Variants in NFIX observed in about 807,000 individuals in gnomAD.
NFIX encodes nuclear factor 1 X-type.
Under a neutral mutation model 53.3 loss-of-function variants are expected in NFIX, and 2 were observed. That is an observed-to-expected ratio of 0.04 (90% confidence interval 0.02 to 0.12). The LOEUF is 0.12. Ranked by LOEUF, NFIX falls within the 10% of genes least tolerant of loss-of-function variation. NFIX has a pLI of 1.00. For missense variants in NFIX, 310 were observed against 674.5 expected (o/e 0.46, Z 5.99); for synonymous variants, 244 against 289.0 (o/e 0.84, Z 1.58).
intron 2 of NFIX, among the ~76,000 whole-genome samples, chr19:13,056,394 T>C (rs917840200): frequency 1.3e-4 from 20 of 152,170 alleles, no homozygotes; most frequent in African/African-American, 3.9e-4. Flanking sequence ...GCTGCACTTA[T>C]GAGGTGCTCA....
At chr19:13,077,975 C>G (rs1481347671) in intron 6 of NFIX, among the ~76,000 whole-genome samples, 2 of 152,218 alleles carry the variant, frequency 1.3e-5, no homozygotes, top group African/African-American at 2.4e-5. Context: ...GGTCCCCTGG[C>G]TGGGGGAGTC....
At chr19:12,999,079 C>T (rs2011577179) in intron 1 of NFIX, among the ~76,000 whole-genome samples, 1 of 152,106 alleles carries the variant, frequency 6.6e-6, no homozygotes, top group African/African-American at 2.4e-5. Context: ...CACATGGACC[C>T]AAGGACGGAC....
chr19:13,061,639 C>T (rs117295219), intron 2 of NFIX, among the ~76,000 whole-genome samples: 4,300 of 152,322 alleles, frequency 0.028, 72 homozygotes, highest in Middle Eastern at 0.082. Context: ...GCTCGGCAGC[C>T]TGGGGAAAAC....
chr19:13,024,478 G>C (rs1262711306), intron 1 of NFIX: 1 of 1,477,326 alleles, frequency 6.8e-7, no homozygotes, highest in East Asian at 2.5e-5. Flanking sequence ...CTTGCTCGTG[G>C]ATGTCATTTT....
rs1162266997 is a variant in NFIX, at chr19:13,066,542, C to G, written c.560-6505C>G. ...GCAGAAGCCCCTTTGGATCTGTGAG[C>G]AGGGAGGGAATGAGGAAAGGGGAGA... is the stretch of plus-strand genomic sequence containing the variant. On this transcript the variant is annotated intron_variant, in intron 2 of 10. Coordinates refer to ENST00000592199, the MANE Select transcript of NFIX (RefSeq NM_001365902.3). The surrounding 1 kb of genome is among the most constrained non-coding windows in gnomAD (Gnocchi z 4.2). Among the ~76,000 whole-genome samples the G allele has an allele frequency of 6.6e-6, 1 of 152,130 alleles. No homozygotes were observed. The highest frequency in any genetic ancestry group is 1.9e-4 in the East Asian group (1 of 5,198).
At chr19:13,039,228 C>CCCCACACA (rs796212249) in intron 2 of NFIX, among the ~76,000 whole-genome samples, 7 of 144,524 alleles carry the variant, frequency 4.8e-5, no homozygotes, top group Non-Finnish European at 8.9e-5. Context: ...ACACCCCCCC[C>CCCCACACA]CACACACACA....
chr19:13,003,644 A>AT lies in NFIX; in HGVS notation c.27+7792dup, dbSNP rs145552082. Reference sequence around the variant, plus strand: ...CACCCATTGGGAAATGTCTGGAAACATTTTTTTTTTTTAGAGACAGACTGT... The same window carrying AT: ...CACCCATTGGGAAATGTCTGGAAACATTTTTTTTTTTTTAGAGACAGACTGT... On this transcript the variant is annotated intron_variant, in intron 1 of 10. Transcript: ENST00000592199. Among the ~76,000 whole-genome samples the AT allele has an allele frequency of 6.4e-4, 94 of 146,664 alleles. No homozygotes were observed. The East Asian group carries it at 7.5e-3, about 12-fold the overall frequency.
intron 1 of NFIX, among the ~76,000 whole-genome samples, chr19:13,003,143 C>A (rs1441543735): frequency 2.0e-5 from 3 of 152,004 alleles, no homozygotes; most frequent in East Asian, 3.9e-4. Context: ...CAAAGTCACA[C>A]ACTCTCACTG....
At position 13,006,141 on chromosome 19, in the gene NFIX, C is replaced by T. The variant is rs1254890431; in HGVS notation, c.27+10277C>T. ...AGGGAGTGTCCAGTCCTTGAGATGG[C>T]GCTAGGTGCTGTGGGAAGAACAGAG... On this transcript the variant is annotated intron_variant, in intron 1 of 10. Coordinates refer to ENST00000592199, the MANE Select transcript of NFIX (RefSeq NM_001365902.3). This position sits in a 1 kb window ranked among gnomAD's most constrained non-coding sequence, Gnocchi z 5.6. Among the ~76,000 whole-genome samples the T allele has an allele frequency of 1.3e-5, 2 of 152,184 alleles. No individual in the cohort carries two copies. The highest frequency in any genetic ancestry group is 2.9e-5 in the Non-Finnish European group (2 of 68,034).
chr19:13,075,451 C>T (rs1158668066), intron 5 of NFIX, 84 bp from the exon 6 acceptor site: 2 of 1,494,606 alleles, frequency 1.3e-6, no homozygotes, highest in African/African-American at 1.4e-5. Flanking sequence ...GCCATCTATG[C>T]ACAGTTCTTT....
At position 13,016,129 on chromosome 19, in the gene NFIX, C is replaced by A. The variant is rs140088969; in HGVS notation, c.28-8892C>A. 6.5e-3 allele frequency among the ~76,000 whole-genome samples: 988 copies of A among 152,166 alleles called. 8 individuals are homozygous for A. The highest frequency in any genetic ancestry group is 0.022 in the African/African-American group (930 of 41,466). On this transcript the variant is annotated intron_variant, in intron 1 of 10. Transcript: ENST00000592199. ...ACTTACAGTGTGTGCACTTTTTATA[C>A]CTGCCTTGCTTCAGTTAAAAAGTTT...
rs546650128 is a variant in NFIX at position 13,040,293 on chromosome 19, A to G, written c.559+14741A>G. Among the ~76,000 whole-genome samples the G allele has an allele frequency of 1.3e-5, 2 of 151,982 alleles. No homozygotes were observed. Among genetic ancestry groups the G allele is most frequent in the South Asian group, 4.2e-4 (2 of 4,814 alleles). On this transcript the variant is annotated intron_variant, in intron 2 of 10. Transcript: ENST00000592199. The surrounding 1 kb of genome is among the most constrained non-coding windows in gnomAD (Gnocchi z 4.2). ...CTTGGTCTCCTTGGCTGTCCCTGCTAAATAGTCATCTTTGGGGACATCCTC... is the reference window on the plus strand; with the variant it reads ...CTTGGTCTCCTTGGCTGTCCCTGCTGAATAGTCATCTTTGGGGACATCCTC...
In NFIX at chr19:13,057,527, G is replaced by T. The variant is rs143851771; in HGVS notation, c.560-15520G>T. 7.7e-3 allele frequency among the ~76,000 whole-genome samples: 1,170 copies of T among 152,194 alleles called. 14 individuals carry two copies. Among genetic ancestry groups the T allele is most frequent in the African/African-American group, 0.027 (1,136 of 41,528 alleles). ...CTCCTGATGCCACACCCCCAGCCTC[G>T]GCTCCCCAGGGCCCCGGGCCCTCCC... On this transcript the variant is annotated intron_variant, in intron 2 of 10. Coordinates refer to ENST00000592199, the MANE Select transcript of NFIX (RefSeq NM_001365902.3).
intron 1 of NFIX, chr19:13,024,646 T>C: frequency 6.5e-7 from 1 of 1,536,274 alleles, no homozygotes; most frequent in Non-Finnish European, 8.7e-7. Flanking sequence ...GGAGATGTCA[T>C]GGGCGCGACA....
intron 1 of NFIX, among the ~76,000 whole-genome samples, chr19:12,997,853 C>G (rs1027149167): frequency 2.6e-5 from 4 of 152,158 alleles, no homozygotes; most frequent in Non-Finnish European, 5.9e-5. Context: ...GGGCGATGGC[C>G]GGTGCTTGGC....
chr19:13,053,978 G>C (rs2015486334), intron 2 of NFIX, among the ~76,000 whole-genome samples: 1 of 152,042 alleles, frequency 6.6e-6, no homozygotes, highest in Admixed American at 6.5e-5. Context: ...TTGTGGTCCT[G>C]GCCTACTGGC....
intron 2 of NFIX, among the ~76,000 whole-genome samples, chr19:13,030,815 G>A (rs938429131): frequency 1.3e-5 from 2 of 152,330 alleles, no homozygotes; most frequent in Admixed American, 6.5e-5. Flanking sequence ...GCTACATACT[G>A]TGCAGGGCTC....
At position 13,041,683 on chromosome 19, in the gene NFIX, G is replaced by T. The variant is rs553286335; in HGVS notation, c.559+16131G>T. Among the ~76,000 whole-genome samples the T allele has an allele frequency of 4.6e-5, 7 of 151,746 alleles. No individual in the cohort carries two copies. In the East Asian group the frequency reaches 1.4e-3, roughly 30 times the overall value. ...GAGGCACATGCCTGTAATCTCAGCT[G>T]CTCAGGAGGCTGAGGCAGGAGAATC... On this transcript the variant is annotated intron_variant, in intron 2 of 10. Transcript: ENST00000592199.
In NFIX at chr19:13,022,503, TTTC is replaced by T. The variant is rs1044873161; in HGVS notation, c.28-2512_28-2510del. 1.3e-5 allele frequency among the ~76,000 whole-genome samples: 2 copies of T among 152,120 alleles called. No individual in the cohort carries two copies. The highest frequency in any genetic ancestry group is 2.4e-5 in the African/African-American group (1 of 41,412). On this transcript the variant is annotated intron_variant, in intron 1 of 10. Transcript: ENST00000592199. The surrounding 1 kb of genome is among the most constrained non-coding windows in gnomAD (Gnocchi z 4.5). The stretch of plus-strand genomic sequence containing the variant: ...TGGCATGGACACTTTCTGAGCTCTC[TTTC>T]TTCTTATTTCTATTCATAGCACCGC...
Sources: gnomAD v4.1 joint callset for allele counts (sites outside exome capture counted in the v4.1 genomes callset) on GRCh38, gnomAD v4.1.1 for gene constraint, Gnocchi (gnomAD v3.1) non-coding constraint, MANE v1.5 for transcripts, NCBI Gene and HGNC (gene_info 2026-07-23, HGNC 2026-07-21) for gene names.